Variants in EXOC3L2 observed in about 807,000 individuals in gnomAD.
EXOC3L2 encodes exocyst complex component 3 like 2.
A neutral mutation model predicts 44.4 loss-of-function variants in EXOC3L2; 17 were observed. That is an observed-to-expected ratio of 0.38 (90% CI 0.26 to 0.57). EXOC3L2 has a LOEUF of 0.57. EXOC3L2 is among the 20% of genes least tolerant of loss of function. The probability of loss-of-function intolerance (pLI) is 0.65; values close to 1 mark genes in which losing one functional copy is unlikely to be tolerated. For missense variants in EXOC3L2, 541 were observed against 588.4 expected (o/e 0.92, Z 0.83); for synonymous variants, 256 against 253.7 (o/e 1.01, Z -0.09).
intron 4 of EXOC3L2, among the ~76,000 whole-genome samples, chr19:45,229,524 A>C (rs1172289661): frequency 6.8e-6 from 1 of 147,736 alleles, no homozygotes; most frequent in Non-Finnish European, 1.5e-5. Flanking sequence ...TCAATAATAC[A>C]TATTATAAAT....
chr19:45,213,003 GC>G lies in EXOC3L2; in HGVS notation c.*65del. On this transcript the variant is annotated 3_prime_UTR_variant, in exon 12 of 12. Coordinates refer to ENST00000413988, the MANE Select transcript of EXOC3L2 (RefSeq NM_001382422.1). ...TCCCAGGCAGGGAGTCAGGAGGGGC[GC>G]CGTACGGGAGGTTGGCTTGTCAGCA... is the stretch of plus-strand genomic sequence containing the variant. 7.1e-7 allele frequency: 1 copy of G among 1,406,972 alleles called. No individual in the cohort carries two copies. Among genetic ancestry groups the G allele is most frequent in the Non-Finnish European group, 9.2e-7 (1 of 1,084,530 alleles). The allele number at this position is 1,406,972 out of a possible 1,614,324, so 87.2% of individuals were successfully genotyped here. A position where few individuals can be genotyped will look rare whatever the true frequency, so the allele number is the denominator to read the frequency against.
Position 45,217,577 on chromosome 19 carries a change from C to T in EXOC3L2, c.1949G>A (p.Gly650Asp). The T allele has an allele frequency of 6.4e-7, 1 of 1,551,170 alleles. No individual in the cohort carries two copies. Among genetic ancestry groups the T allele is most frequent in the Non-Finnish European group, 8.7e-7 (1 of 1,155,702 alleles). The change falls in exon 10 of 12, where the codon GGC (glycine) becomes GAC (aspartate). Residue 650 changes from glycine to aspartate, a missense_variant. By Grantham distance (94) the Gly-to-Asp change is moderately conservative. Coordinates refer to ENST00000413988, the MANE Select transcript of EXOC3L2 (RefSeq NM_001382422.1). ...SSARTRSRVA[G>D]RLREDAAQLQ... ...TTGCGCCGCGTCCTCCCGGAGCCTG[C>T]CGGCCACGCGGCTGCGGGTCCGCGC...
At position 45,224,828 on chromosome 19, in the gene EXOC3L2, T is replaced by A; in HGVS notation, c.1669A>T (p.Thr557Ser). The change falls in exon 8 of 12, where the codon ACC (threonine) becomes TCC (serine). Residue 557 changes from threonine to serine, a missense_variant. Physicochemically the swap from Thr to Ser is moderately conservative, Grantham distance 58. Transcript: ENST00000413988. ...GCCACGACACGGTGGCAGAGCCGGG[T>A]CACATGGTCCAGAGCACTAGCAGAT... ...EASASALDHVTRLCHRVVANL... is the reference protein window; with the variant it reads ...EASASALDHVSRLCHRVVANL... The A allele has an allele frequency of 6.3e-7, 1 of 1,591,422 alleles. No individual in the cohort carries two copies.
chr19:45,239,366 C>T (rs1970112123), intron 1 of EXOC3L2, among the ~76,000 whole-genome samples: 1 of 150,570 alleles, frequency 6.6e-6, no homozygotes, highest in Non-Finnish European at 1.5e-5. Context: ...TACAGGCGCC[C>T]ACCACCACGC....
At chr19:45,227,614 T>A (rs1161401441) in intron 7 of EXOC3L2, 48 bp downstream of exon 7, 3 of 1,530,984 alleles carry the variant, frequency 2.0e-6, no homozygotes, top group Non-Finnish European at 2.7e-6. Flanking sequence ...CCAGGTCAGC[T>A]TCCACCTTGG....
chr19:45,214,220 C>G (rs1969809508), intron 11 of EXOC3L2, among the ~76,000 whole-genome samples: 1 of 152,164 alleles, frequency 6.6e-6, no homozygotes, highest in African/African-American at 2.4e-5. Flanking sequence ...AGAATCAGAA[C>G]TGACCACCCT....
rs1298650102 is a variant in EXOC3L2 at position 45,232,020 on chromosome 19, G to A, written c.1158-146C>T. On this transcript the variant is annotated intron_variant, in intron 3 of 11. Transcript: ENST00000413988. The stretch of plus-strand genomic sequence containing the variant: ...AGTCATCTCTGCTCATCCCTCAGAG[G>A]AAGTCTTTGGAATTGTTGCTTCCCC... The A allele has an allele frequency of 2.2e-5, 10 of 462,422 alleles. No individual in the cohort carries two copies. The East Asian group carries it at 3.3e-4, about 15-fold the overall frequency. The allele number at this position is 462,422 out of a possible 1,614,324, so 28.6% of individuals were successfully genotyped here. A position where few individuals can be genotyped will look rare whatever the true frequency, so the allele number is the denominator to read the frequency against.
intron 1 of EXOC3L2, among the ~76,000 whole-genome samples, chr19:45,243,242 T>C (rs1420527765): frequency 6.6e-6 from 1 of 152,208 alleles, no homozygotes; most frequent in African/African-American, 2.4e-5. Flanking sequence ...CACTTGTTCT[T>C]CTATTGCTGG....
At chr19:45,218,663 C>T (rs748969518) in intron 8 of EXOC3L2, among the ~76,000 whole-genome samples, 21 of 151,956 alleles carry the variant, frequency 1.4e-4, no homozygotes, top group African/African-American at 5.1e-4. Context: ...CTTCCTTAGC[C>T]AAGTGAGGGA....
intron 4 of EXOC3L2, 111 bp from the exon 5 acceptor site, chr19:45,228,377 G>C: frequency 1.1e-6 from 1 of 907,520 alleles, no homozygotes; most frequent in Non-Finnish European, 1.7e-6. Flanking sequence ...AGCAGTTCTG[G>C]ATTCTACCTA....
chr19:45,223,045 G>C (rs1048270655), intron 8 of EXOC3L2, among the ~76,000 whole-genome samples: 1 of 152,088 alleles, frequency 6.6e-6, no homozygotes, highest in Non-Finnish European at 1.5e-5. Flanking sequence ...TTGAGCCCAG[G>C]AGTTCAAGAC....
chr19:45,218,672 G>T (rs892200757), intron 8 of EXOC3L2, among the ~76,000 whole-genome samples: 1 of 152,172 alleles, frequency 6.6e-6, no homozygotes, highest in Non-Finnish European at 1.5e-5. Context: ...CCAAGTGAGG[G>T]ATGGGGGAGG....
At chr19:45,223,718 A>G (rs112668741) in intron 8 of EXOC3L2, among the ~76,000 whole-genome samples, 13,189 of 146,804 alleles carry the variant, frequency 0.09, 776 homozygotes, top group African/African-American at 0.17. Flanking sequence ...GAGGCAGGGC[A>G]TGGTGGCTCA....
At chr19:45,239,718 A>G (rs1439996487) in intron 1 of EXOC3L2, among the ~76,000 whole-genome samples, 2 of 151,112 alleles carry the variant, frequency 1.3e-5, no homozygotes, top group African/African-American at 2.4e-5. Flanking sequence ...ATGTGGTTTC[A>G]CCATGTTGGC....
chr19:45,224,793 C>T lies in EXOC3L2; in HGVS notation c.1704G>A (p.Leu568=), dbSNP rs1454529260. ...RLCHRVVANL[L]FQELQPHFNK... ...CCTCACTCACCTGCAGCTCCTGGAACAGCAGGTTGGCCACGACACGGTGGC... is the reference window on the plus strand; with the variant it reads ...CCTCACTCACCTGCAGCTCCTGGAATAGCAGGTTGGCCACGACACGGTGGC... Residue 568 remains leucine, a synonymous_variant, in exon 8 of 12, where the codon CTG becomes CTA. Coordinates refer to ENST00000413988, the MANE Select transcript of EXOC3L2 (RefSeq NM_001382422.1). 6.4e-7 allele frequency: 1 copy of T among 1,558,744 alleles called. No individual in the cohort carries two copies. Among genetic ancestry groups the T allele is most frequent in the Non-Finnish European group, 8.7e-7 (1 of 1,151,026 alleles).
rs760959982 is a variant in EXOC3L2, at chr19:45,216,141, C to T, written c.2052G>A (p.Met684Ile). The change falls in exon 11 of 12, where the codon ATG becomes ATA. Residue 684 changes from methionine to isoleucine, a missense_variant. Met to Ile is a conservative substitution (Grantham distance 10). Coordinates refer to ENST00000413988, the MANE Select transcript of EXOC3L2 (RefSeq NM_001382422.1). Reference sequence around the variant, plus strand: ...GGATGCTGGGCGTGTCTTCCAGCTGCATGACTTCAGCCAAATGGGGCACCA... The same window carrying T: ...GGATGCTGGGCGTGTCTTCCAGCTGTATGACTTCAGCCAAATGGGGCACCA... ...DAVVPHLAEV[M>I]QLEDTPSIQV... is the part of the protein sequence containing the mutation. 29 of 1,614,022 alleles carry T rather than the reference C, an allele frequency of 1.8e-5. No homozygotes were observed. The South Asian group carries it at 3.2e-4, about 18-fold the overall frequency.
chr19:45,244,967 C>T (rs900646462), intron 1 of EXOC3L2, among the ~76,000 whole-genome samples: 1 of 151,892 alleles, frequency 6.6e-6, no homozygotes, highest in Non-Finnish European at 1.5e-5. Context: ...GACCCCATCT[C>T]TTGGGATAGA....
rs1969799629 is a variant in EXOC3L2, at chr19:45,213,362, G to A, written c.2121-5C>T. Reference sequence around the variant, plus strand: ...AGGGCTGCCACGTGCTTCTGCCTGTGGGGAGAGGAACAGACAGGTGCATGC... The same window carrying A: ...AGGGCTGCCACGTGCTTCTGCCTGTAGGGAGAGGAACAGACAGGTGCATGC... On this transcript the variant is annotated splice_polypyrimidine_tract_variant and splice_region_variant and intron_variant, in intron 11 of 11. Transcript: ENST00000413988. 1.9e-6 allele frequency: 3 copies of A among 1,612,728 alleles called. No individual in the cohort carries two copies. The South Asian group carries it at 3.3e-5, about 18-fold the overall frequency.
chr19:45,237,730 G>A (rs767835240), intron 2 of EXOC3L2, among the ~76,000 whole-genome samples: 33 of 152,208 alleles, frequency 2.2e-4, no homozygotes, highest in Non-Finnish European at 4.3e-4. Flanking sequence ...GATATGTGAA[G>A]TCTTCACCCC....
Sources: allele counts gnomAD v4.1 joint callset (sites outside exome capture counted in the v4.1 genomes callset), GRCh38; gene constraint gnomAD v4.1.1; transcripts MANE v1.5; gene names NCBI Gene and HGNC (gene_info 2026-07-23, HGNC 2026-07-21).